The following ARK2C variants were observed in gnomAD, a reference collection of about 807,000 sequenced individuals.
ARK2C encodes arkadia (RNF111) C-terminal like ring finger ubiquitin ligase 2C, also known as E3 ubiquitin-protein ligase ARK2C.
At chr18:46,456,746 T>C in the ARK2C span, 4 of 779,820 alleles carry the variant, frequency 5.1e-6, no homozygotes, top group Non-Finnish European at 9.1e-6. Context: ...AGGAAAAGCC[T>C]GCAAGCACAT....
the ARK2C span, among the ~76,000 whole-genome samples, chr18:46,434,835 T>C: frequency 9.2e-5 from 14 of 152,144 alleles, 1 homozygote; most frequent in South Asian, 2.7e-3. Context: ...GAGGAAGGCT[T>C]TGACCTGTGC....
chr18:46,435,143 TG>T, the ARK2C span: 1 of 627,158 alleles, frequency 1.6e-6, no homozygotes, highest in Non-Finnish European at 2.8e-6. Flanking sequence ...TCAAGAGTGG[TG>T]AAGCTCAGTG....
the ARK2C span, among the ~76,000 whole-genome samples, chr18:46,383,211 GC>G: frequency 6.6e-6 from 1 of 152,236 alleles, no homozygotes; most frequent in East Asian, 1.9e-4. Flanking sequence ...CCCAGGGGAG[GC>G]AGTGGGTGTT....
chr18:46,367,546 T>C, the ARK2C span, among the ~76,000 whole-genome samples: 1 of 152,174 alleles, frequency 6.6e-6, no homozygotes, highest in Non-Finnish European at 1.5e-5. Flanking sequence ...GGTGGGTCTA[T>C]TGGACCCATT....
At chr18:46,450,705 A>C in the ARK2C span, 1 of 1,613,388 alleles carries the variant, frequency 6.2e-7, no homozygotes, top group Non-Finnish European at 8.5e-7. Context: ...TCTTTCCAGG[A>C]GCTGCTGCAG....
chr18:46,453,945 T>C, the ARK2C span, among the ~76,000 whole-genome samples: 1 of 151,118 alleles, frequency 6.6e-6, no homozygotes, highest in African/African-American at 2.4e-5. Context: ...AGATTCTGTC[T>C]CTACAATAAA....
At chr18:46,428,166 G>A in the ARK2C span, among the ~76,000 whole-genome samples, 3 of 151,914 alleles carry the variant, frequency 2.0e-5, no homozygotes, top group South Asian at 2.1e-4. Flanking sequence ...ATCCCAGCAC[G>A]TTGGGAGGCC....
chr18:46,408,636 C>T, the ARK2C span, among the ~76,000 whole-genome samples: 1 of 152,198 alleles, frequency 6.6e-6, no homozygotes, highest in Non-Finnish European at 1.5e-5. Context: ...GGACACTTAA[C>T]AGAGTTTGGG....
chr18:46,393,713 G>A, the ARK2C span, among the ~76,000 whole-genome samples: 1 of 152,156 alleles, frequency 6.6e-6, no homozygotes, highest in Non-Finnish European at 1.5e-5. Context: ...CAGTATTCAG[G>A]GACATTGGCT....
the ARK2C span, among the ~76,000 whole-genome samples, chr18:46,378,120 A>G: frequency 1.3e-5 from 2 of 152,216 alleles, no homozygotes; most frequent in Admixed American, 6.5e-5. Context: ...CTGCTCTTCC[A>G]GATTGAATGC....
At chr18:46,364,140 AT>A in the ARK2C span, among the ~76,000 whole-genome samples, 1 of 150,524 alleles carries the variant, frequency 6.6e-6, no homozygotes, top group Non-Finnish European at 1.5e-5. Context: ...TAGAACTGGG[AT>A]TTCTCCATGT....
At chr18:46,382,142 C>A in the ARK2C span, among the ~76,000 whole-genome samples, 2 of 152,218 alleles carry the variant, frequency 1.3e-5, no homozygotes, top group African/African-American at 4.8e-5. Flanking sequence ...GGGTTTCAAA[C>A]ATGGCAAGGT....
At chr18:46,414,470 A>T in the ARK2C span, among the ~76,000 whole-genome samples, 1 of 151,678 alleles carries the variant, frequency 6.6e-6, no homozygotes, top group African/African-American at 2.4e-5. Context: ...ACATACATGT[A>T]CACACACACA....
chr18:46,363,912 CTTTTTCTTTTCTTTTTTTTTCT>C, the ARK2C span, among the ~76,000 whole-genome samples: 2 of 145,912 alleles, frequency 1.4e-5, no homozygotes, highest in Admixed American at 6.8e-5. Context: ...CCTTGCTTTT[CTTTTTCTTTTCTTTTTTTTTCT>C]TTTTTCTTTT....
the ARK2C span, among the ~76,000 whole-genome samples, chr18:46,428,289 G>A: frequency 1.3e-5 from 2 of 152,118 alleles, no homozygotes; most frequent in Non-Finnish European, 2.9e-5. Flanking sequence ...GGCGCCTGTA[G>A]TCCCAGCTAC....
chr18:46,351,350 C>T, the ARK2C span, among the ~76,000 whole-genome samples: 1 of 152,192 alleles, frequency 6.6e-6, no homozygotes, highest in African/African-American at 2.4e-5. Flanking sequence ...GCAGTTCCCT[C>T]CAGGTGCCCC....
At chr18:46,444,050 C>G in the ARK2C span, among the ~76,000 whole-genome samples, 1 of 151,436 alleles carries the variant, frequency 6.6e-6, no homozygotes, top group Non-Finnish European at 1.5e-5. Context: ...AGTTTTTTTT[C>G]CCTTCAGCAG....
At chr18:46,432,101 T>C in the ARK2C span, among the ~76,000 whole-genome samples, 4 of 152,348 alleles carry the variant, frequency 2.6e-5, no homozygotes, top group Admixed American at 6.5e-5. Flanking sequence ...GAATCTGCCA[T>C]GTTTAGCAGC....
chr18:46,411,096 G>C, the ARK2C span, among the ~76,000 whole-genome samples: 4 of 152,326 alleles, frequency 2.6e-5, no homozygotes, highest in Admixed American at 1.3e-4. Flanking sequence ...ACCCCTTAAT[G>C]ACAGCTCTTT....
Sources: allele counts gnomAD v4.1 joint callset (sites outside exome capture counted in the v4.1 genomes callset), GRCh38; gene constraint gnomAD v4.1.1; transcripts MANE v1.5; gene names NCBI Gene and HGNC (gene_info 2026-07-23, HGNC 2026-07-21).